ROBO2: variants seen among roughly 807,000 people sequenced by gnomAD.
The protein encoded by ROBO2 is roundabout guidance receptor 2, also known as roundabout homolog 2.
A neutral mutation model predicts 160.8 loss-of-function variants in ROBO2; 53 were observed. The ratio of observed to expected loss-of-function variants is 0.33; its 90% CI spans 0.26 to 0.41. ROBO2 has a LOEUF of 0.41. Ranked by LOEUF, ROBO2 falls within the 10% of genes least tolerant of loss-of-function variation. ROBO2 has a pLI of 1.00. For synonymous variants in ROBO2, 664 were observed against 611.7 expected, an observed-to-expected ratio of 1.09 and a Z score of -1.26; for missense variants, 1,577 against 1,722.4, an observed-to-expected ratio of 0.92 and a Z score of 1.49.
chr3:75,973,589 A>G (rs749532474), intron 2 of ROBO2, among the ~76,000 whole-genome samples: 1 of 151,690 alleles, frequency 6.6e-6, no homozygotes. Context: ...TGTTACCTGA[A>G]TATGAACATA....
chr3:77,392,363 T>G (rs997600756), intron 2 of ROBO2, among the ~76,000 whole-genome samples: 3 of 152,206 alleles, frequency 2.0e-5, no homozygotes, highest in Non-Finnish European at 4.4e-5. Flanking sequence ...GGTGACAGGA[T>G]AAGCTGCAAC....
chr3:76,223,723 TCTCA>T (rs1213330485), intron 2 of ROBO2, among the ~76,000 whole-genome samples: 5 of 152,132 alleles, frequency 3.3e-5, no homozygotes, highest in African/African-American at 1.2e-4. Context: ...GAGATAAGGC[TCTCA>T]CTCAGGGCAC....
chr3:77,274,854 A>G lies in ROBO2; in HGVS notation c.388+176514A>G, dbSNP rs1009032707. ...GTAACATAGTCCATGAACACCAGAC[A>G]GTTAAAAGATTCTTCTACTTTAGAG... On this transcript the variant is annotated intron_variant, in intron 2 of 25. Transcript: ENST00000461745. Among the ~76,000 whole-genome samples the G allele has an allele frequency of 1.7e-4, 26 of 152,142 alleles. 1 individual carries two copies. Among genetic ancestry groups the G allele is most frequent in the East Asian group, 1.9e-4 (1 of 5,196 alleles).
intron 2 of ROBO2, among the ~76,000 whole-genome samples, chr3:76,287,958 C>T (rs558820297): frequency 1.3e-3 from 133 of 106,142 alleles, no homozygotes; most frequent in Admixed American, 2.6e-3. Context: ...TCCATTTAGG[C>T]TAGAAGAAAA....
chr3:77,532,210 C>CT lies in ROBO2; in HGVS notation c.934+9311dup, dbSNP rs538137230. Among the ~76,000 whole-genome samples the CT allele has an allele frequency of 4.2e-3, 632 of 150,274 alleles. 4 individuals are homozygous for CT. Among genetic ancestry groups the CT allele is most frequent in the Non-Finnish European group, 7.4e-3 (501 of 67,642 alleles). ...TGGGTCTTAAATTACTCTCACACTT[C>CT]TTTCTTTTTTTTTCCTCTCAGAACT... On this transcript the variant is annotated intron_variant, in intron 6 of 25. Transcript: ENST00000461745.
At position 77,570,887 on chromosome 3, in the gene ROBO2, A is replaced by G. The variant is rs367689853; in HGVS notation, c.1971+2453A>G. ...GGATTAATGACCAAAGGCACAAGAC[A>G]TAACTACTGTAGAGACCATTCGCTG... is the stretch of plus-strand genomic sequence containing the variant. On this transcript the variant is annotated intron_variant, in intron 13 of 25. Coordinates refer to ENST00000461745, the Ensembl canonical transcript of ROBO2. Among the ~76,000 whole-genome samples the G allele has an allele frequency of 5.3e-5, 8 of 152,142 alleles. No homozygotes were observed. In the South Asian group the frequency reaches 1.0e-3, roughly 20 times the overall value.
intron 2 of ROBO2, among the ~76,000 whole-genome samples, chr3:75,965,838 T>C (rs1949090165): frequency 6.6e-6 from 1 of 151,656 alleles, no homozygotes. Context: ...CCCTGCATTC[T>C]TATCATGAAA....
At chr3:76,208,949 T>C (rs1023704611) in intron 2 of ROBO2, among the ~76,000 whole-genome samples, 52 of 152,150 alleles carry the variant, frequency 3.4e-4, no homozygotes, top group African/African-American at 1.2e-3. Context: ...TCGTTTTGCA[T>C]GTACCTGCTT....
chr3:76,504,430 T>C (rs2080663711), intron 2 of ROBO2, among the ~76,000 whole-genome samples: 1 of 152,122 alleles, frequency 6.6e-6, no homozygotes, highest in African/African-American at 2.4e-5. Flanking sequence ...GAGGGACAGT[T>C]CTAGTAAATT....
chr3:76,867,549 A>G lies in ROBO2; in HGVS notation c.110-230465A>G, dbSNP rs2071509073. Among the ~76,000 whole-genome samples the G allele has an allele frequency of 2.0e-5, 3 of 152,320 alleles. No individual in the cohort carries two copies. The South Asian group carries it at 6.2e-4, about 32-fold the overall frequency. ...CTCAATTTGGGGACACTTTTCGTTA[A>G]CACTGCTCAACATGAGAGAAATGCA... On this transcript the variant is annotated intron_variant, in intron 2 of 26. Transcript: ENST00000487694.
chr3:77,068,947 CAT>C (rs760056219), intron 1 of ROBO2, among the ~76,000 whole-genome samples: 15 of 152,094 alleles, frequency 9.9e-5, no homozygotes, highest in African/African-American at 1.2e-4. Flanking sequence ...TTTCGTGACT[CAT>C]AAAATTTTTA....
intron 1 of ROBO2, among the ~76,000 whole-genome samples, chr3:75,916,695 T>G (rs1353141807): frequency 2.0e-5 from 3 of 151,734 alleles, no homozygotes; most frequent in Non-Finnish European, 2.9e-5. Context: ...GTATAATTTA[T>G]GGCAAAAAAA....
At chr3:75,937,146 G>T (rs1173355400) in intron 1 of ROBO2, among the ~76,000 whole-genome samples, 5 of 152,088 alleles carry the variant, frequency 3.3e-5, no homozygotes, top group Non-Finnish European at 7.4e-5. Context: ...TTATACTTAA[G>T]TAGTGTCCAT....
intron 2 of ROBO2, among the ~76,000 whole-genome samples, chr3:76,800,098 G>T (rs1050845038): frequency 3.9e-5 from 6 of 152,052 alleles, no homozygotes; most frequent in African/African-American, 9.7e-5. Flanking sequence ...TTTGACAAAG[G>T]TGTCAAGAAC....
At chr3:76,113,237 G>A (rs1469940274) in intron 2 of ROBO2, among the ~76,000 whole-genome samples, 3 of 152,054 alleles carry the variant, frequency 2.0e-5, no homozygotes, top group Non-Finnish European at 4.4e-5. Flanking sequence ...AAGGTTGTAG[G>A]AAAGATTAAC....
rs532661018 is a variant in ROBO2, at chr3:77,438,557, C to CAG, written c.389-38856_389-38855insGA. Among the ~76,000 whole-genome samples the CAG allele has an allele frequency of 1.1e-4, 17 of 151,586 alleles. No homozygotes were observed. The East Asian group carries it at 3.1e-3, about 28-fold the overall frequency. On this transcript the variant is annotated intron_variant, in intron 2 of 25. Transcript: ENST00000461745. ...AAGGGGATACACACACACACACACA[C>CAG]ACACACACACGCATATATGTGTATA...
At chr3:76,868,826 A>C (rs2071663427) in intron 2 of ROBO2, among the ~76,000 whole-genome samples, 2 of 148,788 alleles carry the variant, frequency 1.3e-5, no homozygotes, top group Admixed American at 1.3e-4. Flanking sequence ...TATTGTGCTA[A>C]TGTGTATTTT....
intron 2 of ROBO2, among the ~76,000 whole-genome samples, chr3:76,049,218 G>GT (rs1190909666): frequency 6.6e-6 from 1 of 150,754 alleles, no homozygotes; most frequent in African/African-American, 2.4e-5. Flanking sequence ...AGCATTTTCT[G>GT]TTTTTTTGAG....
At chr3:76,886,266 A>G (rs2073876181) in intron 2 of ROBO2, among the ~76,000 whole-genome samples, 1 of 150,712 alleles carries the variant, frequency 6.6e-6, no homozygotes, top group African/African-American at 2.5e-5. Flanking sequence ...AAAAATATAT[A>G]TATATATATA....
Sources: gnomAD v4.1 joint callset for allele counts (sites outside exome capture counted in the v4.1 genomes callset) on GRCh38, gnomAD v4.1.1 for gene constraint, MANE v1.5 for transcripts, NCBI Gene and HGNC (gene_info 2026-07-23, HGNC 2026-07-21) for gene names.